The following CTNNA2 variants were observed in gnomAD, a reference collection of about 807,000 sequenced individuals.
CTNNA2 encodes the protein catenin alpha-2.
CTNNA2 carries 42 observed loss-of-function variants against 101.0 expected under a neutral mutation model. The ratio of observed to expected loss-of-function variants is 0.42; its 90% CI spans 0.32 to 0.54. CTNNA2 has a LOEUF of 0.54. Among genes scored for constraint, CTNNA2 ranks in the 20% least tolerant of loss-of-function variants. CTNNA2 has a pLI of 0.14. For synonymous variants in CTNNA2, 450 were observed against 456.4 expected, an observed-to-expected ratio of 0.99 and a Z score of 0.18; for missense variants, 871 against 1,223.1, an observed-to-expected ratio of 0.71 and a Z score of 4.29.
intron 4 of CTNNA2, among the ~76,000 whole-genome samples, chr2:79,380,383 ATGAAAATGGAAGATTTT>A (rs1678026062): frequency 9.3e-5 from 1 of 10,770 alleles, no homozygotes; most frequent in Non-Finnish European, 2.3e-4. Flanking sequence ...CTTCCATTTT[ATGAAAATGGAAGATTTT>A]ATGAATTTGG....
At chr2:80,153,437 C>T (rs556830213) in intron 7 of CTNNA2, among the ~76,000 whole-genome samples, 1 of 152,172 alleles carries the variant, frequency 6.6e-6, no homozygotes, top group Admixed American at 6.5e-5. Context: ...CTCACACTGA[C>T]AAAAATGCAC....
chr2:80,588,225 C>T (rs1347924519), intron 14 of CTNNA2, among the ~76,000 whole-genome samples: 1 of 152,168 alleles, frequency 6.6e-6, no homozygotes, highest in African/African-American at 2.4e-5. Context: ...AGGCACATGC[C>T]CGCCTTCTCG....
At chr2:79,883,686 C>T (rs1328887529) in intron 6 of CTNNA2, among the ~76,000 whole-genome samples, 1 of 152,036 alleles carries the variant, frequency 6.6e-6, no homozygotes, top group Admixed American at 6.6e-5. Context: ...AAAAGCAATT[C>T]CTACAGAATT....
chr2:79,721,749 C>T (rs150565842), intron 2 of CTNNA2, among the ~76,000 whole-genome samples: 3 of 152,234 alleles, frequency 2.0e-5, no homozygotes, highest in African/African-American at 7.2e-5. Context: ...TGAATATGTT[C>T]GAATTTGGTT....
Position 79,247,523 on chromosome 2 carries a change from A to AT in CTNNA2, c.-406+49454dup, listed in dbSNP as rs201530481. ...AATGAAACAGGTCTGTGTCCTGATT[A>AT]TTTTTTTGTCTGCAATTCTAGCATA... On this transcript the variant is annotated intron_variant, in intron 2 of 21. Coordinates refer to the CTNNA2 transcript ENST00000466387. 7.0e-3 allele frequency among the ~76,000 whole-genome samples: 1,069 copies of AT among 152,234 alleles called. 11 individuals carry two copies. Among genetic ancestry groups the AT allele is most frequent in the African/African-American group, 0.024 (1,012 of 41,540 alleles).
chr2:80,461,584 A>C (rs1323575030), intron 9 of CTNNA2, among the ~76,000 whole-genome samples: 1 of 152,146 alleles, frequency 6.6e-6, no homozygotes, highest in African/African-American at 2.4e-5. Context: ...GACAATATAC[A>C]TGCAATTATT....
intron 7 of CTNNA2, among the ~76,000 whole-genome samples, chr2:79,931,088 C>T (rs1230585098): frequency 6.6e-6 from 1 of 152,060 alleles, no homozygotes; most frequent in African/African-American, 2.4e-5. Context: ...TAATTTTAAT[C>T]CATTAAACTC....
chr2:80,634,525 C>G (rs1224603421), intron 18 of CTNNA2, among the ~76,000 whole-genome samples: 1 of 151,976 alleles, frequency 6.6e-6, no homozygotes, highest in Non-Finnish European at 1.5e-5. Context: ...ATGTGAAGAC[C>G]ATTTTGATAG....
chr2:79,471,531 A>G (rs1169981261), intron 4 of CTNNA2, among the ~76,000 whole-genome samples: 2 of 152,086 alleles, frequency 1.3e-5, no homozygotes, highest in Non-Finnish European at 2.9e-5. Flanking sequence ...ATACCATCAC[A>G]TCGGAGGTTA....
chr2:79,471,529 A>G (rs1308954410), intron 4 of CTNNA2, among the ~76,000 whole-genome samples: 2 of 152,102 alleles, frequency 1.3e-5, no homozygotes, highest in Non-Finnish European at 2.9e-5. Context: ...TAATACCATC[A>G]CATCGGAGGT....
chr2:80,181,740 T>C (rs2148981789), intron 7 of CTNNA2, among the ~76,000 whole-genome samples: 1 of 152,376 alleles, frequency 6.6e-6, no homozygotes, highest in East Asian at 1.9e-4. Flanking sequence ...AAAGGTATTA[T>C]GTATAGAGTC....
At chr2:79,773,759 C>T (rs1284232519) in intron 3 of CTNNA2, among the ~76,000 whole-genome samples, 1 of 152,056 alleles carries the variant, frequency 6.6e-6, no homozygotes, top group Non-Finnish European at 1.5e-5. Context: ...GTGAGTCTTT[C>T]TGTCTTTCAA....
intron 7 of CTNNA2, among the ~76,000 whole-genome samples, chr2:79,948,393 A>G (rs1688645880): frequency 1.3e-5 from 2 of 152,220 alleles, no homozygotes; most frequent in Non-Finnish European, 2.9e-5. Context: ...AGTATAAACT[A>G]ATTGCTAACA....
chr2:80,064,890 G>T (rs557022289), intron 7 of CTNNA2, among the ~76,000 whole-genome samples: 1 of 152,170 alleles, frequency 6.6e-6, no homozygotes, highest in African/African-American at 2.4e-5. Context: ...GGAATAGCAG[G>T]ATTACAGGGC....
At chr2:79,759,198 C>T (rs1007804991) in intron 3 of CTNNA2, among the ~76,000 whole-genome samples, 1 of 152,078 alleles carries the variant, frequency 6.6e-6, no homozygotes, top group Non-Finnish European at 1.5e-5. Flanking sequence ...ACGAGACCAG[C>T]CTGGCCAACG....
chr2:79,912,713 A>C lies in CTNNA2; in HGVS notation c.1056+2916A>C, dbSNP rs906186378. The stretch of plus-strand genomic sequence containing the variant: ...TTTAAGTAAACTATTATTATTGTAC[A>C]TATGTGAAGACTAATGGGTAGAGAG... On this transcript the variant is annotated intron_variant, in intron 7 of 18. Transcript: ENST00000402739. 1.8e-4 allele frequency among the ~76,000 whole-genome samples: 28 copies of C among 152,216 alleles called. 1 individual carries two copies. The highest frequency in any genetic ancestry group is 1.8e-3 in the Admixed American group (28 of 15,290).
chr2:80,480,222 C>T (rs1410643010), intron 9 of CTNNA2, among the ~76,000 whole-genome samples: 1 of 152,028 alleles, frequency 6.6e-6, no homozygotes, highest in Non-Finnish European at 1.5e-5. Flanking sequence ...CATTTTCCTA[C>T]ATGGAATTGG....
At chr2:80,515,094 C>T (rs184868345) in intron 9 of CTNNA2, among the ~76,000 whole-genome samples, 1 of 151,780 alleles carries the variant, frequency 6.6e-6, no homozygotes, top group African/African-American at 2.4e-5. Context: ...GACTAAAAGC[C>T]TTCAAACATA....
chr2:79,341,030 A>G (rs1207790231), intron 3 of CTNNA2, among the ~76,000 whole-genome samples: 1 of 151,970 alleles, frequency 6.6e-6, no homozygotes, highest in Non-Finnish European at 1.5e-5. Context: ...CGCTACATAT[A>G]TATATATAAT....
Sources: gnomAD v4.1 joint callset for allele counts (sites outside exome capture counted in the v4.1 genomes callset) on GRCh38, gnomAD v4.1.1 for gene constraint, MANE v1.5 for transcripts, NCBI Gene and HGNC (gene_info 2026-07-23, HGNC 2026-07-21) for gene names.